ABI3BP: variants seen among roughly 807,000 people sequenced by gnomAD.
The protein encoded by ABI3BP is ABI family member 3 binding protein.
Under a neutral mutation model 268.6 loss-of-function variants are expected in ABI3BP, and 216 were observed. The ratio of observed to expected loss-of-function variants is 0.80; its 90% confidence interval spans 0.72 to 0.90. ABI3BP has a LOEUF of 0.90. Among genes scored for constraint, ABI3BP ranks in the 40% least tolerant of loss-of-function variants. ABI3BP has a pLI of 0.00. For synonymous variants in ABI3BP, 730 were observed against 730.0 expected, an observed-to-expected ratio of 1.00 and a Z score of 0.00; for missense variants, 2,090 against 2,182.4, an observed-to-expected ratio of 0.96 and a Z score of 0.84.
At chr3:100,790,386 A>G (rs1023599215) in intron 55 of ABI3BP, among the ~76,000 whole-genome samples, 1 of 151,958 alleles carries the variant, frequency 6.6e-6, no homozygotes, top group African/African-American at 2.4e-5. Flanking sequence ...ATGTTTTTGG[A>G]AAAATTTTTT....
At chr3:100,940,825 T>G (rs1469320065) in intron 1 of ABI3BP, among the ~76,000 whole-genome samples, 1 of 92,990 alleles carries the variant, frequency 1.1e-5, no homozygotes, top group African/African-American at 4.1e-5. Context: ...TATATATATA[T>G]ATATATGATA....
At position 100,977,491 on chromosome 3, in the gene ABI3BP, G is replaced by T. The variant is rs116648132; in HGVS notation, c.79+15815C>A. ...ATGTGCTTCCCAGATGGCTCACTCC[G>T]ATGGCTAGCAAATTTGTGCTGGATA... On this transcript the variant is annotated intron_variant, in intron 1 of 67. Transcript: ENST00000471714. Among the ~76,000 whole-genome samples, 682 of 152,222 alleles carry T rather than the reference G, an allele frequency of 4.5e-3. 4 individuals are homozygous for T. Among genetic ancestry groups the T allele is most frequent in the African/African-American group, 0.016 (656 of 41,526 alleles).
Position 100,818,601 on chromosome 3 carries a change from T to TA in ABI3BP, c.3032-21dup. 2.0e-6 allele frequency: 3 copies of TA among 1,525,734 alleles called. No homozygotes were observed. In the South Asian group the frequency reaches 3.6e-5, roughly 18 times the overall value. 94.5% of individuals were successfully genotyped at this position (1,525,734 alleles called of 1,614,324 possible). A position where few individuals can be genotyped will look rare whatever the true frequency, so the allele number is the denominator to read the frequency against. On this transcript the variant is annotated intron_variant, in intron 40 of 67. Transcript: ENST00000471714. ...AAGGAACTAATTAAAAGCAATGAAA[T>TA]AAACTTGTGAAAAGCCAGTAAATTA...
At position 100,835,522 on chromosome 3, in the gene ABI3BP, C is replaced by T. The variant is rs142292079; in HGVS notation, c.2191+79G>A. On this transcript the variant is annotated intron_variant, in intron 28 of 67. Coordinates refer to ENST00000471714, the MANE Select transcript of ABI3BP (RefSeq NM_001375547.2). ...TGAGAAAATCTTATGAAAGAAAAAA[C>T]CCTTAGCCCAAATAGTGATGGAATA... is the stretch of plus-strand genomic sequence containing the variant. 5,332 of 1,108,786 alleles carry T rather than the reference C, an allele frequency of 4.8e-3. 18 individuals are homozygous for T. Among genetic ancestry groups the T allele is most frequent in the Middle Eastern group, 8.9e-3 (43 of 4,812 alleles). 68.7% of individuals were successfully genotyped at this position (1,108,786 alleles called of 1,614,324 possible). A position where few individuals can be genotyped will look rare whatever the true frequency, so the allele number is the denominator to read the frequency against.
In ABI3BP at chr3:100,775,284, C is replaced by T; in HGVS notation, c.4385G>A (p.Arg1462Lys). 6.2e-7 allele frequency: 1 copy of T among 1,609,778 alleles called. No individual in the cohort carries two copies. Among genetic ancestry groups the T allele is most frequent in the Middle Eastern group, 1.7e-4 (1 of 6,060 alleles). The change falls in exon 60 of 68, where the codon AGG becomes AAG. Residue 1462 changes from arginine (R) to lysine (K), a missense_variant. Physicochemically the swap from Arg to Lys is conservative, Grantham distance 26. Coordinates refer to ENST00000471714, the MANE Select transcript of ABI3BP (RefSeq NM_001375547.2). The stretch of plus-strand genomic sequence containing the variant: ...TCTCTCCAAGGGAGTTCCAGTAGGC[C>T]TGGGTGTTGACCTCAGGGGTGGTGT... Reference protein sequence around the residue: ...ITTPPLRSTPRPTGTPLERIE... With the variant: ...ITTPPLRSTPKPTGTPLERIE...
intron 2 of ABI3BP, among the ~76,000 whole-genome samples, chr3:100,908,259 A>C (rs1249200390): frequency 1.3e-5 from 2 of 152,218 alleles, no homozygotes; most frequent in Non-Finnish European, 2.9e-5. Context: ...CATCTAAATC[A>C]AATGTATGAT....
At chr3:100,850,961 A>G (rs2098830943) in intron 15 of ABI3BP, among the ~76,000 whole-genome samples, 1 of 152,240 alleles carries the variant, frequency 6.6e-6, no homozygotes, top group Non-Finnish European at 1.5e-5. Context: ...ACAGTGTTTT[A>G]TACATTCAAC....
intron 40 of ABI3BP, among the ~76,000 whole-genome samples, chr3:100,819,606 T>A (rs2098146101): frequency 6.6e-6 from 1 of 152,008 alleles, no homozygotes; most frequent in South Asian, 2.1e-4. Context: ...AAATGCCTGG[T>A]TCTATTTAAT....
At chr3:100,776,841 G>C (rs762441057) in intron 59 of ABI3BP, among the ~76,000 whole-genome samples, 1 of 152,200 alleles carries the variant, frequency 6.6e-6, no homozygotes, top group African/African-American at 2.4e-5. Flanking sequence ...TGGCAGGCAA[G>C]AAGGCCATCA....
chr3:100,897,368 C>A (rs529991422), intron 4 of ABI3BP, among the ~76,000 whole-genome samples: 1 of 151,622 alleles, frequency 6.6e-6, no homozygotes, highest in Non-Finnish European at 1.5e-5. Context: ...AAATTTTATG[C>A]GAAAATGTTT....
chr3:100,752,990 G>C (rs2095419439), intron 65 of ABI3BP, 42 bp from the exon 66 acceptor site: 1 of 1,521,946 alleles, frequency 6.6e-7, no homozygotes, highest in Non-Finnish European at 8.9e-7. Context: ...CTGACTCTTG[G>C]GTCAGATACT....
chr3:100,822,498 C>G (rs2098260229), intron 38 of ABI3BP, 91 bp downstream of exon 38: 2 of 1,098,014 alleles, frequency 1.8e-6, no homozygotes, highest in African/African-American at 3.1e-5. Context: ...CTCACAGGGG[C>G]CTATTGGTTA....
intron 14 of ABI3BP, among the ~76,000 whole-genome samples, chr3:100,853,642 AGAT>A (rs2098895407): frequency 6.6e-6 from 1 of 152,202 alleles, no homozygotes; most frequent in Admixed American, 6.5e-5. Context: ...TAGTTCCAAA[AGAT>A]GATATTTATT....
chr3:100,840,275 A>G, intron 22 of ABI3BP, 111 bp from the exon 23 acceptor site: 1 of 826,686 alleles, frequency 1.2e-6, no homozygotes, highest in South Asian at 2.1e-5. Flanking sequence ...TACTGTGGAC[A>G]TGTTTCCATC....
chr3:100,819,859 G>T (rs2098157720), intron 40 of ABI3BP, among the ~76,000 whole-genome samples: 1 of 148,382 alleles, frequency 6.7e-6, no homozygotes, highest in Admixed American at 6.9e-5. Flanking sequence ...TGAGGCAGGA[G>T]AATTGCTTGA....
intron 13 of ABI3BP, 153 bp from the exon 14 acceptor site, chr3:100,862,538 G>A (rs1473998242): frequency 4.9e-6 from 3 of 609,728 alleles, no homozygotes; most frequent in Non-Finnish European, 8.7e-6. Flanking sequence ...TAAGAAATCA[G>A]TATGTATCCA....
intron 13 of ABI3BP, 129 bp downstream of exon 13, chr3:100,862,709 A>G: frequency 1.5e-6 from 1 of 674,964 alleles, no homozygotes; most frequent in Non-Finnish European, 2.4e-6. Context: ...AAAAAAATCA[A>G]ATCAACCATT....
In ABI3BP at chr3:100,775,267, A is replaced by C. The variant is rs1396516891; in HGVS notation, c.4402T>G (p.Leu1468Val). ...RSTPRPTGTPLERIETDIKQP... is the reference protein window; with the variant it reads ...RSTPRPTGTPVERIETDIKQP... ...TTTATATCTGTCTCTATTCTCTCCA[A>C]GGGAGTTCCAGTAGGCCTGGGTGTT... The change falls in exon 60 of 68, where the codon TTG becomes GTG. Residue 1468 changes from leucine to valine, a missense_variant. Physicochemically the swap from Leu to Val is conservative, Grantham distance 32. Coordinates refer to ENST00000471714, the MANE Select transcript of ABI3BP (RefSeq NM_001375547.2). 1.2e-6 allele frequency: 2 copies of C among 1,610,652 alleles called. No individual in the cohort carries two copies. The highest frequency in any genetic ancestry group is 1.7e-6 in the Non-Finnish European group (2 of 1,178,316).
At chr3:100,781,832 T>C (rs2096873009) in intron 57 of ABI3BP, among the ~76,000 whole-genome samples, 1 of 152,142 alleles carries the variant, frequency 6.6e-6, no homozygotes, top group East Asian at 1.9e-4. Context: ...ACTTAATCCT[T>C]ACAACCGTCT....
Sources: allele counts gnomAD v4.1 joint callset (sites outside exome capture counted in the v4.1 genomes callset), GRCh38; gene constraint gnomAD v4.1.1; transcripts MANE v1.5; gene names NCBI Gene and HGNC (gene_info 2026-07-23, HGNC 2026-07-21).